The following ZNF219 variants were observed in gnomAD, a reference collection of about 807,000 sequenced individuals.
ZNF219 encodes zinc finger protein 219.
In ZNF219, 17 loss-of-function variants were observed where a neutral mutation model predicts 54.4. The ratio of observed to expected loss-of-function variants is 0.31; its 90% CI spans 0.21 to 0.47. ZNF219 has a LOEUF of 0.47. Among genes scored for constraint, ZNF219 ranks in the 20% least tolerant of loss-of-function variants. The pLI, the probability that ZNF219 is intolerant of heterozygous loss-of-function variation, is 1.00. For missense variants in ZNF219, 1,014 were observed against 1,062.3 expected (o/e 0.95, Z 0.63); for synonymous variants, 518 against 476.4 (o/e 1.09, Z -1.14).
intron 2 of ZNF219, 93 bp from the exon 3 acceptor site, chr14:21,093,383 G>A (rs1594599942): frequency 6.7e-7 from 1 of 1,498,520 alleles, no homozygotes; most frequent in African/African-American, 1.4e-5. Context: ...ACAACACGAG[G>A]GAAGGTGGGC....
chr14:21,102,693 G>A (rs1046255984), upstream of ZNF219: 6 of 1,551,600 alleles, frequency 3.9e-6, no homozygotes, highest in East Asian at 1.5e-4. Context: ...GGGAGTGCTG[G>A]TCTCAGTGCA....
intron 1 of ZNF219, among the ~76,000 whole-genome samples, chr14:21,096,041 C>T (rs116587664): frequency 0.2 from 1,550 of 7,648 alleles, 32 homozygotes; most frequent in Middle Eastern, 0.38. Flanking sequence ...AGGCGTGGGG[C>T]GGGGGGGCTG....
At chr14:21,102,458 G>A (rs1201255069), upstream of ZNF219, 13 of 1,549,700 alleles carry the variant, frequency 8.4e-6, no homozygotes, top group Admixed American at 2.5e-4. Context: ...GTTTCATAGT[G>A]GTGGTGGTCG....
chr14:21,097,833 C>T (rs951843929), intron 1 of ZNF219, among the ~76,000 whole-genome samples: 2 of 151,998 alleles, frequency 1.3e-5, no homozygotes, highest in South Asian at 4.1e-4. Flanking sequence ...CCTCCCCCGC[C>T]ACCCCGTGCT....
At position 21,093,851 on chromosome 14, in the gene ZNF219, A is replaced by C; in HGVS notation, c.-83-177T>G. The C allele has an allele frequency of 1.9e-5, 11 of 594,354 alleles. No homozygotes were observed. In the South Asian group the frequency reaches 2.2e-4, roughly 12 times the overall value. 36.8% of individuals were successfully genotyped at this position (594,354 alleles called of 1,614,324 possible). A position where few individuals can be genotyped will look rare whatever the true frequency, so the allele number is the denominator to read the frequency against. On this transcript the variant is annotated intron_variant, in intron 1 of 4. Coordinates refer to ENST00000360947, the MANE Select transcript of ZNF219 (RefSeq NM_016423.3). ...AAAAACTGTACCTCTTGACTTGCCA[A>C]GCCTACAAGCCTCCCAGATAATCCA...
At chr14:21,102,594 G>GT, upstream of ZNF219, 1 of 1,551,182 alleles carries the variant, frequency 6.4e-7, no homozygotes, top group South Asian at 1.2e-5. Flanking sequence ...GGGCAAACAG[G>GT]TGCGGGGTCC....
chr14:21,090,118 C>A lies in ZNF219; in HGVS notation c.*418G>T. 1 of 434,764 alleles carries A rather than the reference C, an allele frequency of 2.3e-6. No homozygotes were observed. The highest frequency in any genetic ancestry group is 4.6e-6 in the Non-Finnish European group (1 of 215,802). 26.9% of individuals were successfully genotyped at this position (434,764 alleles called of 1,614,324 possible). A position where few individuals can be genotyped will look rare whatever the true frequency, so the allele number is the denominator to read the frequency against. On this transcript the variant is annotated 3_prime_UTR_variant, in exon 5 of 5. Transcript: ENST00000360947. The surrounding 1 kb of genome is among the most constrained non-coding windows in gnomAD (Gnocchi z 4.4). ...CCTGTTTATTGGGGACACGACTCTG[C>A]AATAGGGATGACAGGAATCGTACCA... is the stretch of plus-strand genomic sequence containing the variant.
chr14:21,102,364 A>C (rs1351905896), upstream of ZNF219: 5 of 1,546,772 alleles, frequency 3.2e-6, no homozygotes, highest in African/African-American at 6.9e-5. Context: ...GGTTGGAATG[A>C]CTCCCCTAGG....
Position 21,092,727 on chromosome 14 carries a change from C to A in ZNF219, c.570G>T (p.Lys190Asn). ...RHLHILHRPW[K>N]CGLCSFGSSQ... ...TGGAGCCGAAACTGCACAGGCCGCA[C>A]TTCCAGGGCCTATGCAGGATGTGCA... Residue 190 changes from lysine (K) to asparagine (N), a missense_variant, in exon 3 of 5, where the codon AAG becomes AAT. This residue lies in a region of ZNF219 where 395 missense variants were observed against 415.1 expected (regional missense o/e 0.95). Transcript: ENST00000360947. 6.3e-7 allele frequency: 1 copy of A among 1,588,220 alleles called. No homozygotes were observed. Among genetic ancestry groups the A allele is most frequent in the Non-Finnish European group, 8.6e-7 (1 of 1,168,244 alleles).
At chr14:21,091,245 A>G in intron 4 of ZNF219, 105 bp from the exon 5 acceptor site, 1 of 1,513,012 alleles carries the variant, frequency 6.6e-7, no homozygotes, top group East Asian at 2.3e-5. Context: ...AAGAAAGGGC[A>G]CTGCGTCTCC....
Position 21,098,400 on chromosome 14 carries a change from G to T in ZNF219, c.-172C>A. On this transcript the variant is annotated 5_prime_UTR_variant, in exon 1 of 5. Transcript: ENST00000360947. ...GGCGGCGCGGGCGTCAGCGTTACGT[G>T]GGGCCGGGGGAGATGCGCCGGGCCC... The T allele has an allele frequency of 1.9e-6, 1 of 532,280 alleles. No homozygotes were observed. The highest frequency in any genetic ancestry group is 2.4e-6 in the Non-Finnish European group (1 of 420,012). 33.0% of individuals were successfully genotyped at this position (532,280 alleles called of 1,614,324 possible).
upstream of ZNF219, chr14:21,102,292 G>C: frequency 3.5e-6 from 5 of 1,433,776 alleles, no homozygotes; most frequent in Non-Finnish European, 4.7e-6. Context: ...TTATGGCCCT[G>C]TTTGGAGGCT....
chr14:21,091,759 G>T (rs1435819389), intron 3 of ZNF219, 106 bp downstream of exon 3: 2 of 1,458,710 alleles, frequency 1.4e-6, no homozygotes, highest in African/African-American at 2.8e-5. Context: ...AAAAACTCAG[G>T]AGAAATTAAA....
upstream of ZNF219, chr14:21,102,873 G>T: frequency 6.8e-7 from 1 of 1,478,070 alleles, no homozygotes; most frequent in East Asian, 2.5e-5. Context: ...AAAATAATGG[G>T]GCAGGAGAGA....
rs1367124944 is a variant in ZNF219 at position 21,098,541 on chromosome 14, C to T, written c.-313G>A. On this transcript the variant is annotated 5_prime_UTR_variant, in exon 1 of 5. Transcript: ENST00000360947. ...GGCCATTAGCATGCGGGGGGCGGCG[C>T]GGCGGGGCTGGGAGCCGCGCGGGAG... 3.6e-5 allele frequency: 36 copies of T among 986,548 alleles called. No individual in the cohort carries two copies. Among genetic ancestry groups the T allele is most frequent in the Non-Finnish European group, 4.2e-5 (35 of 831,030 alleles). The allele number at this position is 986,548 out of a possible 1,614,324, so 61.1% of individuals were successfully genotyped here.
chr14:21,096,229 A>G (rs1457729134), intron 1 of ZNF219, among the ~76,000 whole-genome samples: 2 of 152,218 alleles, frequency 1.3e-5, no homozygotes, highest in Non-Finnish European at 2.9e-5. Flanking sequence ...AAACAAAACA[A>G]CAATAAACCA....
Position 21,092,808 on chromosome 14 carries a change from G to C in ZNF219, c.489C>G (p.Phe163Leu). Residue 163 changes from phenylalanine (F) to leucine (L), a missense_variant, in exon 3 of 5, where the codon TTC (phenylalanine) becomes TTG (leucine). This residue lies in a region of ZNF219 where 395 missense variants were observed against 415.1 expected (regional missense o/e 0.95). Coordinates refer to ENST00000360947, the MANE Select transcript of ZNF219 (RefSeq NM_016423.3). ...ACTTGCCTTTGCAGTAGGGGCAACG[G>C]AAGGCGGACGATGAAGGAGCCTGGG... ...ARPQAPSSSAFRCPYCKGKFR... is the reference protein window; with the variant it reads ...ARPQAPSSSALRCPYCKGKFR... The C allele has an allele frequency of 6.3e-7, 1 of 1,578,126 alleles. No homozygotes were observed. Among genetic ancestry groups the C allele is most frequent in the Non-Finnish European group, 8.6e-7 (1 of 1,162,290 alleles).
upstream of ZNF219, chr14:21,103,392 CTG>C: frequency 7.2e-7 from 1 of 1,388,722 alleles, no homozygotes; most frequent in Non-Finnish European, 9.5e-7. Context: ...CGTTCCTTCC[CTG>C]TTAGGGGAAG....
chr14:21,098,924 G>C, upstream of ZNF219: 2 of 1,186,134 alleles, frequency 1.7e-6, no homozygotes, highest in Non-Finnish European at 2.2e-6. Flanking sequence ...CTCTCTTTTG[G>C]GGGAGGAGGA....
Sources: allele counts gnomAD v4.1 joint callset (sites outside exome capture counted in the v4.1 genomes callset), GRCh38; gene constraint gnomAD v4.1.1; regional missense constraint gnomAD v4.1.1; non-coding constraint Gnocchi (gnomAD v3.1); transcripts MANE v1.5; gene names NCBI Gene and HGNC (gene_info 2026-07-23, HGNC 2026-07-21).